SORBS2: variants seen among roughly 807,000 people sequenced by gnomAD.
SORBS2 encodes the protein sorbin and SH3 domain containing 2, also known as sorbin and SH3 domain-containing protein 2.
In SORBS2, 46 loss-of-function variants were observed where a neutral mutation model predicts 97.7. The ratio of observed to expected loss-of-function variants is 0.47; its 90% CI spans 0.37 to 0.60. The LOEUF (loss-of-function observed/expected upper bound fraction) is 0.60. Among genes scored for constraint, SORBS2 ranks in the 20% least tolerant of loss-of-function variants. SORBS2 has a pLI of 0.00. For missense variants in SORBS2, 1,316 were observed against 1,282.3 expected, an observed-to-expected ratio of 1.03 and a Z score of -0.40; for synonymous variants, 476 against 473.4, an observed-to-expected ratio of 1.01 and a Z score of -0.07.
chr4:185,875,811 G>A (rs970281769), intron 1 of SORBS2, among the ~76,000 whole-genome samples: 3 of 152,204 alleles, frequency 2.0e-5, no homozygotes, highest in Non-Finnish European at 2.9e-5. Flanking sequence ...CATAAAAGGC[G>A]TTCTAGAGTC....
At position 185,606,663 on chromosome 4, in the gene SORBS2, G is replaced by A. The variant is rs942203071; in HGVS notation, c.2796+5117C>T. ...TGGGGGTGGCTATGGGGTGTTTTAG[G>A]CAGTTGGGTTTCTCCTCCTCCTCCT... On this transcript the variant is annotated intron_variant, in intron 12 of 14. Coordinates refer to ENST00000418609, the Ensembl canonical transcript of SORBS2. This position sits in a 1 kb window ranked among gnomAD's most constrained non-coding sequence, Gnocchi z 4.3. The A allele has an allele frequency of 6.1e-6, 6 of 985,112 alleles. No individual in the cohort carries two copies. The African/African-American group carries it at 1.1e-4, about 17-fold the overall frequency. 61.0% of individuals were successfully genotyped at this position (985,112 alleles called of 1,614,324 possible).
intron 2 of SORBS2, among the ~76,000 whole-genome samples, chr4:185,688,188 T>C (rs1340725441): frequency 2.6e-5 from 4 of 152,228 alleles, no homozygotes; most frequent in Non-Finnish European, 5.9e-5. Context: ...CTACATTGTT[T>C]AGACACTTTA....
chr4:185,621,119 T>C (rs1327734959), intron 7 of SORBS2, among the ~76,000 whole-genome samples: 1 of 152,196 alleles, frequency 6.6e-6, no homozygotes, highest in Non-Finnish European at 1.5e-5. Context: ...ATATATCTAG[T>C]TATCCAGACT....
chr4:185,821,188 C>T (rs2099196629), intron 1 of SORBS2, among the ~76,000 whole-genome samples: 1 of 152,198 alleles, frequency 6.6e-6, no homozygotes, highest in Non-Finnish European at 1.5e-5. Context: ...CACACGCGAG[C>T]TAAGTGGCTG....
At chr4:185,690,657 A>G in intron 2 of SORBS2, 46 bp from the exon 4 acceptor site, 5 of 801,916 alleles carry the variant, frequency 6.2e-6, no homozygotes, top group Middle Eastern at 2.4e-4. Flanking sequence ...CATGTGGAAG[A>G]AAATATCATG....
chr4:185,759,137 G>A (rs1255773667), intron 2 of SORBS2, among the ~76,000 whole-genome samples: 1 of 152,186 alleles, frequency 6.6e-6, no homozygotes, highest in Non-Finnish European at 1.5e-5. Flanking sequence ...GCTCTCTCCA[G>A]AGTGATGAGG....
At chr4:185,901,353 C>T (rs975982098) in intron 1 of SORBS2, among the ~76,000 whole-genome samples, 1 of 152,178 alleles carries the variant, frequency 6.6e-6, no homozygotes, top group African/African-American at 2.4e-5. Context: ...CAGGCATGTG[C>T]CACCACGGTC....
At chr4:185,655,128 A>C (rs1241156895) in intron 1 of SORBS2, among the ~76,000 whole-genome samples, 15 of 152,242 alleles carry the variant, frequency 9.9e-5, no homozygotes, top group Admixed American at 9.8e-4. Context: ...TGAAAGGTTC[A>C]CATAGATGTC....
At position 185,639,114 on chromosome 4, in the gene SORBS2, G is replaced by A. The variant is rs1415573816; in HGVS notation, c.396+7554C>T. Reference sequence around the variant, plus strand: ...AACCGCGAGGACACCCTGGCAGCGCGCTGTGCCTGCGTTAGGCCGGGAGGG... The same window carrying A: ...AACCGCGAGGACACCCTGGCAGCGCACTGTGCCTGCGTTAGGCCGGGAGGG... On this transcript the variant is annotated intron_variant, in intron 4 of 14. Coordinates refer to ENST00000418609, the Ensembl canonical transcript of SORBS2. 8 of 1,309,322 alleles carry A rather than the reference G, an allele frequency of 6.1e-6. No individual in the cohort carries two copies. The Admixed American group carries it at 2.3e-4, about 38-fold the overall frequency. The allele number at this position is 1,309,322 out of a possible 1,614,324, so 81.1% of individuals were successfully genotyped here.
At chr4:185,635,359 T>C in intron 4 of SORBS2, 1 of 1,611,918 alleles carries the variant, frequency 6.2e-7, no homozygotes, top group Non-Finnish European at 8.5e-7. Context: ...TTTTACCTCA[T>C]TGAAAACACC....
chr4:185,683,878 G>C (rs538135827), intron 2 of SORBS2, among the ~76,000 whole-genome samples: 2 of 152,304 alleles, frequency 1.3e-5, no homozygotes, highest in East Asian at 3.9e-4. Flanking sequence ...TATGTGTGTA[G>C]AAGACTGTGA....
chr4:185,592,425 G>C (rs2095969039), intron 13 of SORBS2, among the ~76,000 whole-genome samples: 1 of 152,126 alleles, frequency 6.6e-6, no homozygotes, highest in South Asian at 2.1e-4. Context: ...TGTTGGTAAT[G>C]CAATAAACCT....
chr4:185,712,674 G>A (rs1423209879), intron 2 of SORBS2, among the ~76,000 whole-genome samples: 1 of 152,174 alleles, frequency 6.6e-6, no homozygotes, highest in Non-Finnish European at 1.5e-5. Context: ...CTGGATGCTC[G>A]AACGGGGACT....
chr4:185,731,886 ATATATATATATATATATATATAT>A (rs1320991553), intron 2 of SORBS2, among the ~76,000 whole-genome samples: 1 of 88,866 alleles, frequency 1.1e-5, no homozygotes, highest in African/African-American at 4.1e-5. Flanking sequence ...ATATATATAT[ATATATATATATATATATATATAT>A]GTCTGTTTCT....
intron 1 of SORBS2, among the ~76,000 whole-genome samples, chr4:185,806,434 C>CTGTTTTTTTTTTTTTTTTTTTTTTTTT (rs2099153884): frequency 9.2e-6 from 1 of 108,110 alleles, no homozygotes; most frequent in African/African-American, 3.7e-5. Context: ...GGCTAGAATC[C>CTGTTTTTTTTTTTTTTTTTTTTTTTTT]TATTTTTTTT....
At chr4:185,624,752 C>G (rs979987429) in intron 6 of SORBS2, among the ~76,000 whole-genome samples, 1 of 152,162 alleles carries the variant, frequency 6.6e-6, no homozygotes, top group African/African-American at 2.4e-5. Flanking sequence ...TAAGAAGCAA[C>G]CGACGTAAGC....
At chr4:185,735,884 T>C (rs1375306713) in intron 2 of SORBS2, among the ~76,000 whole-genome samples, 1 of 152,266 alleles carries the variant, frequency 6.6e-6, no homozygotes. Context: ...ATTATCCTAA[T>C]GTTGCTGAGT....
intron 1 of SORBS2, among the ~76,000 whole-genome samples, chr4:185,898,763 A>G (rs2099246191): frequency 6.6e-6 from 1 of 152,192 alleles, no homozygotes; most frequent in Non-Finnish European, 1.5e-5. Context: ...TCTTTAGAAA[A>G]AGCAGAGAAT....
chr4:185,683,380 C>T lies in SORBS2; in HGVS notation c.-197-4558G>A, dbSNP rs142303044. 2.5e-3 allele frequency among the ~76,000 whole-genome samples: 375 copies of T among 152,286 alleles called. 2 individuals carry two copies. Among genetic ancestry groups the T allele is most frequent in the African/African-American group, 8.6e-3 (357 of 41,568 alleles). ...TCCCTGGTACGTGCGTCAAGGTTCACGTCTGAGTAGGTTGGACTGAGATCC... is the reference window on the plus strand; with the variant it reads ...TCCCTGGTACGTGCGTCAAGGTTCATGTCTGAGTAGGTTGGACTGAGATCC... On this transcript the variant is annotated intron_variant, in intron 2 of 20. Transcript: ENST00000284776.
Sources: allele counts gnomAD v4.1 joint callset (sites outside exome capture counted in the v4.1 genomes callset), GRCh38; gene constraint gnomAD v4.1.1; non-coding constraint Gnocchi (gnomAD v3.1); transcripts MANE v1.5; gene names NCBI Gene and HGNC (gene_info 2026-07-23, HGNC 2026-07-21).